The following SMTN variants were observed in gnomAD, a reference collection of about 807,000 sequenced individuals.
SMTN encodes smoothelin.
Under a neutral mutation model 102.0 loss-of-function variants are expected in SMTN, and 58 were observed. That is an observed-to-expected ratio of 0.57 (90% CI 0.46 to 0.71). The LOEUF is 0.71. SMTN is among the 30% of genes least tolerant of loss of function. SMTN has a pLI of 0.00. For missense variants in SMTN, 1,185 were observed against 1,241.7 expected, an observed-to-expected ratio of 0.95 and a Z score of 0.69; for synonymous variants, 478 against 497.9, an observed-to-expected ratio of 0.96 and a Z score of 0.53.
rs576230505 is a variant in SMTN at position 31,102,569 on chromosome 22, A to G, written c.*20+1520A>G. The stretch of plus-strand genomic sequence containing the variant: ...GCTTGGTGCTATCTCCAGATCATAT[A>G]TGGACTTAGGAGCTGCTGCCCAGCA... On this transcript the variant is annotated intron_variant, in intron 20 of 20. Transcript: ENST00000333137. 1.2e-4 allele frequency: 18 copies of G among 152,514 alleles called. No individual in the cohort carries two copies. In the South Asian group the frequency reaches 3.3e-3, roughly 28 times the overall value. 9.4% of individuals were successfully genotyped at this position (152,514 alleles called of 1,614,324 possible).
intron 1 of SMTN, among the ~76,000 whole-genome samples, chr22:31,070,330 GA>G (rs568253588): frequency 1.6e-4 from 24 of 152,170 alleles, no homozygotes; most frequent in Non-Finnish European, 3.4e-4. Flanking sequence ...TGCAAATTGT[GA>G]AGGTTCCCAC....
chr22:31,065,904 G>A (rs2041838251), intron 1 of SMTN: 1 of 152,168 alleles, frequency 6.6e-6, no homozygotes, highest in Admixed American at 6.6e-5. Context: ...TTGTGAACGT[G>A]TTCTGTAATA....
Position 31,097,049 on chromosome 22 carries a change from G to A in SMTN, c.2078G>A (p.Arg693Lys). 1.2e-6 allele frequency: 2 copies of A among 1,614,098 alleles called. No homozygotes were observed. The highest frequency in any genetic ancestry group is 1.7e-6 in the Non-Finnish European group (2 of 1,179,994). Reference protein sequence around the residue: ...RTTTVESSFVRRSENGSGSTM... With the variant: ...RTTTVESSFVKRSENGSGSTM... ...ACCACAGTGGAGTCGAGTTTCGTGA[G>A]GCGCTCGGAGAGTAAGGCCACCTGG... is the stretch of plus-strand genomic sequence containing the variant. The change falls in exon 15 of 21, where the codon AGG becomes AAG. Residue 693 changes from arginine to lysine, a missense_variant. Physicochemically the swap from Arg to Lys is conservative, Grantham distance 26 (BLOSUM62 2). This residue lies in a region of SMTN where 1,096 missense variants were observed against 1,112.7 expected (regional missense o/e 0.98). Coordinates refer to ENST00000333137, the MANE Select transcript of SMTN (RefSeq NM_134269.3).
chr22:31,086,737 G>A (rs1396735626), intron 2 of SMTN, among the ~76,000 whole-genome samples: 1 of 152,230 alleles, frequency 6.6e-6, no homozygotes. Context: ...TGAGTTTCAG[G>A]GGGTCTTCTC....
chr22:31,085,591 C>A (rs1204621436), intron 2 of SMTN, among the ~76,000 whole-genome samples: 1 of 152,220 alleles, frequency 6.6e-6, no homozygotes, highest in East Asian at 1.9e-4. Flanking sequence ...TGGGCAGTTT[C>A]GGAAACCGCC....
In SMTN at chr22:31,088,082, G is replaced by T. The variant is rs760960320; in HGVS notation, c.169G>T (p.Glu57Ter). The T allele has an allele frequency of 2.5e-6, 4 of 1,607,998 alleles. No individual in the cohort carries two copies. Residue 57 changes from glutamate to a stop codon, truncating the protein, a stop_gained, in exon 3 of 21, where the codon GAG (glutamate) becomes TAG (stop). Transcript: ENST00000333137. LOFTEE classifies it high-confidence loss of function. ...CCTGGCATCCAAGCGTTTCCGTGCCGAGCGGCAGGACAACAAGGAGAACTG... is the reference window on the plus strand; with the variant it reads ...CCTGGCATCCAAGCGTTTCCGTGCCTAGCGGCAGGACAACAAGGAGAACTG... ...EALASKRFRA[E>*]RQDNKENWLH...
intron 1 of SMTN, chr22:31,066,266 G>A (rs2041846884): frequency 6.6e-6 from 1 of 151,922 alleles, no homozygotes; most frequent in African/African-American, 2.4e-5. Context: ...ATAATGCTTT[G>A]GCCCTAAAAA....
chr22:31,079,558 C>T (rs543073574), upstream of SMTN, among the ~76,000 whole-genome samples: 1 of 152,330 alleles, frequency 6.6e-6, no homozygotes, highest in African/African-American at 2.4e-5. Context: ...GTGTGCCCTG[C>T]ATGAAGGGGA....
intron 2 of SMTN, 193 bp from the exon 3 acceptor site, chr22:31,087,772 C>A: frequency 1.9e-6 from 1 of 519,356 alleles, no homozygotes; most frequent in Non-Finnish European, 3.3e-6. Flanking sequence ...GCAAAGTGGA[C>A]TACCCAAGAT....
chr22:31,099,165 ACT>A lies in SMTN; in HGVS notation c.2439_2440del (p.Gly815LeufsTer15). The A allele has an allele frequency of 6.2e-7, 1 of 1,612,322 alleles. No individual in the cohort carries two copies. Among genetic ancestry groups the A allele is most frequent in the Non-Finnish European group, 8.5e-7 (1 of 1,179,536 alleles). On this transcript the variant is annotated frameshift_variant, in exon 18 of 21. Coordinates refer to ENST00000333137, the MANE Select transcript of SMTN (RefSeq NM_134269.3). LOFTEE classifies it high-confidence loss of function. Reference sequence around the variant, plus strand: ...GCTGCTGGACTGGTGTCGAGCCAAGACTCGCGGCTACGAGGTGAGCCCCGGGA... The same window carrying A: ...GCTGCTGGACTGGTGTCGAGCCAAGACGCGGCTACGAGGTGAGCCCCGGGA... The part of the protein sequence containing the change: ...QMLLDWCRAK[T>X]RGYEHVDIQN...
chr22:31,073,980 T>C (rs1421416742), intron 1 of SMTN, among the ~76,000 whole-genome samples: 2 of 152,218 alleles, frequency 1.3e-5, no homozygotes, highest in South Asian at 2.1e-4. Context: ...CTTGTTCACA[T>C]AACAGCTGCG....
intron 3 of SMTN, 103 bp downstream of exon 3, chr22:31,088,216 C>A: frequency 7.6e-7 from 1 of 1,313,916 alleles, no homozygotes; most frequent in Non-Finnish European, 1.0e-6. Flanking sequence ...CTGTGGATTG[C>A]ATGTGCTAAT....
In SMTN at chr22:31,095,531, C is replaced by T. The variant is rs1407650138; in HGVS notation, c.1786-3C>T. 6.2e-7 allele frequency: 1 copy of T among 1,614,180 alleles called. No individual in the cohort carries two copies. Among genetic ancestry groups the T allele is most frequent in the Non-Finnish European group, 8.5e-7 (1 of 1,180,010 alleles). ...GGTAGGCAATGATGGGCTCTATATG[C>T]AGCTGGATCAGAGCACGGACTTTGA... is the stretch of plus-strand genomic sequence containing the variant. On this transcript the variant is annotated splice_polypyrimidine_tract_variant and splice_region_variant and intron_variant, in intron 12 of 20. Coordinates refer to ENST00000333137, the MANE Select transcript of SMTN (RefSeq NM_134269.3). The surrounding 1 kb of genome is among the most constrained non-coding windows in gnomAD (Gnocchi z 4.1).
intron 3 of SMTN, 78 bp from the exon 4 acceptor site, chr22:31,088,435 T>A: frequency 7.7e-7 from 1 of 1,305,466 alleles, no homozygotes; most frequent in Non-Finnish European, 1.1e-6. Flanking sequence ...GGGTACTCTG[T>A]TCTGGCTCCT....
Position 31,095,760 on chromosome 22 carries a change from C to CAGCAG in SMTN, c.1861+151_1861+152insAGCAG. 1 of 652,726 alleles carries CAGCAG rather than the reference C, an allele frequency of 1.5e-6. No individual in the cohort carries two copies. 40.4% of individuals were successfully genotyped at this position (652,726 alleles called of 1,614,324 possible). ...GACCCAGCAGTTCCCTTGGCTATTCCCTGCTGGATCCAGCTGCTCCTTCCC... is the reference window on the plus strand; with the variant it reads ...GACCCAGCAGTTCCCTTGGCTATTCCAGCAGCTGCTGGATCCAGCTGCTCCTTCCC... On this transcript the variant is annotated intron_variant, in intron 13 of 20. Coordinates refer to ENST00000333137, the MANE Select transcript of SMTN (RefSeq NM_134269.3). This position sits in a 1 kb window ranked among gnomAD's most constrained non-coding sequence, Gnocchi z 4.1.
At chr22:31,098,560 G>A (rs1309231230) in intron 16 of SMTN, 107 bp from the exon 17 acceptor site, 3 of 1,066,006 alleles carry the variant, frequency 2.8e-6, no homozygotes, top group African/African-American at 1.8e-5. Context: ...TTGTGGCAGT[G>A]GAGATACTAG....
intron 6 of SMTN, 90 bp downstream of exon 6, chr22:31,089,059 C>A: frequency 9.4e-7 from 1 of 1,065,468 alleles, no homozygotes; most frequent in Non-Finnish European, 1.4e-6. Flanking sequence ...GCTGGTATTT[C>A]ACTGTAAGGG....
chr22:31,104,394 C>T lies in SMTN; in HGVS notation c.*99C>T. 6.2e-7 allele frequency: 1 copy of T among 1,614,190 alleles called. No homozygotes were observed. The highest frequency in any genetic ancestry group is 2.2e-5 in the East Asian group (1 of 44,872). ...GCAAGAAGCCTGACCCCAAGTGTGT[C>T]TTCACCTATGTGCAGTCGCTCTACA... is the stretch of plus-strand genomic sequence containing the variant. On this transcript the variant is annotated 3_prime_UTR_variant, in exon 21 of 21. Coordinates refer to ENST00000333137, the MANE Select transcript of SMTN (RefSeq NM_134269.3).
At chr22:31,098,097 C>T (rs2043746637) in intron 16 of SMTN, among the ~76,000 whole-genome samples, 1 of 152,192 alleles carries the variant, frequency 6.6e-6, no homozygotes, top group South Asian at 2.1e-4. Flanking sequence ...TTGGGGCTGG[C>T]AGAAAGCAGG....
Sources: allele counts gnomAD v4.1 joint callset (sites outside exome capture counted in the v4.1 genomes callset), GRCh38; gene constraint gnomAD v4.1.1; regional missense constraint gnomAD v4.1.1; non-coding constraint Gnocchi (gnomAD v3.1); transcripts MANE v1.5; gene names NCBI Gene and HGNC (gene_info 2026-07-23, HGNC 2026-07-21).